The following GATB variants were observed in gnomAD, a reference collection of about 807,000 sequenced individuals.
GATB encodes the protein glutamyl-tRNA(Gln) amidotransferase subunit B, mitochondrial.
GATB carries 39 observed loss-of-function variants against 62.3 expected under a neutral mutation model. That is an observed-to-expected ratio of 0.63 (90% CI 0.48 to 0.82). GATB has a LOEUF of 0.82. GATB is among the 40% of genes least tolerant of loss of function. The probability of loss-of-function intolerance (pLI) is 0.00; values close to 1 mark genes in which losing one functional copy is unlikely to be tolerated. For missense variants in GATB, 670 were observed against 684.0 expected, an observed-to-expected ratio of 0.98 and a Z score of 0.23; for synonymous variants, 276 against 258.9, an observed-to-expected ratio of 1.07 and a Z score of -0.63.
intron 2 of GATB, among the ~76,000 whole-genome samples, chr4:151,748,032 G>T (rs1739637258): frequency 6.6e-6 from 1 of 152,166 alleles, no homozygotes; most frequent in Admixed American, 6.5e-5. Flanking sequence ...ACAAATGGAA[G>T]AACATTCCAT....
At chr4:151,707,749 G>A (rs1189512809) in intron 6 of GATB, among the ~76,000 whole-genome samples, 1 of 152,202 alleles carries the variant, frequency 6.6e-6, no homozygotes, top group African/African-American at 2.4e-5. Context: ...GGATGGAGAA[G>A]CCCAGCAGAC....
rs112654171 is a variant in GATB at position 151,701,476 on chromosome 4, G to T, written c.1050C>A (p.Asp350Glu). The T allele has an allele frequency of 1.9e-6, 3 of 1,589,680 alleles. No individual in the cohort carries two copies. The highest frequency in any genetic ancestry group is 2.6e-6 in the Non-Finnish European group (3 of 1,166,832). Residue 350 changes from aspartate to glutamate, a missense_variant, in exon 9 of 13, where the codon GAC becomes GAA. Transcript: ENST00000263985. Reference sequence around the variant, plus strand: ...CTGCACCTGCGGGCAGAGATGTGGCGTCGTAGAGCACCAGGGGAGGCAGGT... The same window carrying T: ...CTGCACCTGCGGGCAGAGATGTGGCTTCGTAGAGCACCAGGGGAGGCAGGT... ...EPNLPPLVLY[D>E]ATSLPAGADP... is the part of the protein sequence containing the mutation.
intron 9 of GATB, among the ~76,000 whole-genome samples, chr4:151,697,969 A>ATATATATATATATATATGTGTG (rs1738518225): frequency 2.0e-5 from 2 of 102,520 alleles, no homozygotes; most frequent in Admixed American, 1.9e-4. Context: ...ATATATATAT[A>ATATATATATATATATATGTGTG]TATATATATA....
chr4:151,671,314 G>A lies in GATB; in HGVS notation c.1546-12C>T, dbSNP rs756033699. On this transcript the variant is annotated splice_polypyrimidine_tract_variant and intron_variant, in intron 12 of 12. Transcript: ENST00000263985. ...TTCACATCCATTACCTAGAAGGACA[G>A]AAATTACTTACTTAAGAGGAGAAAA... 1.3e-6 allele frequency: 2 copies of A among 1,498,082 alleles called. No homozygotes were observed. Among genetic ancestry groups the A allele is most frequent in the Admixed American group, 1.8e-5 (1 of 55,356 alleles). 92.8% of individuals were successfully genotyped at this position (1,498,082 alleles called of 1,614,324 possible).
At position 151,688,735 on chromosome 4, in the gene GATB, T is replaced by G; in HGVS notation, c.1226A>C (p.Gln409Pro). 2 of 1,609,402 alleles carry G rather than the reference T, an allele frequency of 1.2e-6. No individual in the cohort carries two copies. Among genetic ancestry groups the G allele is most frequent in the Non-Finnish European group, 1.7e-6 (2 of 1,178,786 alleles). Residue 409 changes from glutamine to proline, a missense_variant, in exon 10 of 13, where the codon CAA becomes CCA. Transcript: ENST00000263985. ...LNEVGLLEFF[Q>P]NVIKETRAEP... ...TGCCCTAGTTTCTTTTATCACATTTTGGAAGAACTCCAGTAGGCCGACTTC... is the reference window on the plus strand; with the variant it reads ...TGCCCTAGTTTCTTTTATCACATTTGGGAAGAACTCCAGTAGGCCGACTTC...
intron 10 of GATB, among the ~76,000 whole-genome samples, chr4:151,687,278 C>T (rs1738269694): frequency 6.6e-6 from 1 of 152,246 alleles, no homozygotes; most frequent in Non-Finnish European, 1.5e-5. Context: ...GATGTCTGTC[C>T]TGCAGGCAGC....
chr4:151,705,082 C>T lies in GATB; in HGVS notation c.962+103G>A, dbSNP rs1404906783. On this transcript the variant is annotated intron_variant, in intron 7 of 12. Transcript: ENST00000263985. ...TAATGAGGAAACCTAAAAGTGGAGA[C>T]GCTACGTGCCTCCTTCAAGGTCACA... is the stretch of plus-strand genomic sequence containing the variant. 38 of 726,186 alleles carry T rather than the reference C, an allele frequency of 5.2e-5. No homozygotes were observed. In the East Asian group the frequency reaches 5.8e-4, roughly 11 times the overall value. The allele number at this position is 726,186 out of a possible 1,614,324, so 45.0% of individuals were successfully genotyped here.
chr4:151,736,213 C>T (rs556933110), intron 2 of GATB, among the ~76,000 whole-genome samples: 1 of 152,048 alleles, frequency 6.6e-6, no homozygotes, highest in African/African-American at 2.4e-5. Context: ...TATGGTGCAA[C>T]CAAAATCTGT....
At chr4:151,728,301 TC>T (rs1739176712) in intron 2 of GATB, among the ~76,000 whole-genome samples, 1 of 152,212 alleles carries the variant, frequency 6.6e-6, no homozygotes, top group African/African-American at 2.4e-5. Context: ...ATCTGTAACT[TC>T]CTGTCTTCTA....
intron 9 of GATB, among the ~76,000 whole-genome samples, chr4:151,691,073 CAG>C (rs1238796785): frequency 6.6e-6 from 1 of 152,202 alleles, no homozygotes; most frequent in Admixed American, 6.5e-5. Flanking sequence ...GCACGAATCT[CAG>C]AGTCTCTGGT....
chr4:151,731,263 C>T (rs534879385), intron 2 of GATB, among the ~76,000 whole-genome samples: 4 of 152,302 alleles, frequency 2.6e-5, no homozygotes, highest in South Asian at 2.1e-4. Flanking sequence ...TGCGGGCGCG[C>T]GCCGCCACGC....
At position 151,760,880 on chromosome 4, in the gene GATB, T is replaced by C; in HGVS notation, c.103A>G (p.Thr35Ala). The change falls in exon 1 of 13, where the codon ACA becomes GCA. Residue 35 changes from threonine (T) to alanine (A), a missense_variant. Thr to Ala is a moderately conservative substitution (Grantham distance 58). Transcript: ENST00000263985. ...CHRRGAPTGS[T>A]SNQIRGESSV... Reference sequence around the variant, plus strand: ...CTCTCTCCCCTAATCTGGTTGGATGTGGACCCAGTCGGAGCCCCTCTTCGG... The same window carrying C: ...CTCTCTCCCCTAATCTGGTTGGATGCGGACCCAGTCGGAGCCCCTCTTCGG... The C allele has an allele frequency of 1.2e-6, 2 of 1,614,104 alleles. No homozygotes were observed. The highest frequency in any genetic ancestry group is 1.7e-6 in the Non-Finnish European group (2 of 1,179,978).
intron 2 of GATB, among the ~76,000 whole-genome samples, chr4:151,741,262 T>A (rs142174696): frequency 6.6e-6 from 1 of 152,228 alleles, no homozygotes; most frequent in Non-Finnish European, 1.5e-5. Flanking sequence ...TCTCAAAATA[T>A]CTTATTCTCC....
At chr4:151,746,291 G>C (rs1047316271) in intron 2 of GATB, among the ~76,000 whole-genome samples, 5 of 152,134 alleles carry the variant, frequency 3.3e-5, no homozygotes, top group African/African-American at 1.2e-4. Flanking sequence ...ATATTACTTG[G>C]CCAATTATGA....
At chr4:151,680,253 C>T (rs138745781) in intron 10 of GATB, among the ~76,000 whole-genome samples, 278 of 146,366 alleles carry the variant, frequency 1.9e-3, no homozygotes, top group African/African-American at 6.7e-3. Context: ...ATATTTTCAA[C>T]GGAAAGATCA....
At chr4:151,673,736 CT>C (rs894781699) in intron 11 of GATB, 2 of 152,194 alleles carry the variant, frequency 1.3e-5, no homozygotes, top group Admixed American at 6.5e-5. Context: ...CCTCATTTCT[CT>C]TGTCTTCTAG....
In GATB at chr4:151,701,363, T is replaced by A; in HGVS notation, c.1163A>T (p.Tyr388Phe). ...SVTREKLVQQ[Y>F]GMLLEHSFTL... The stretch of plus-strand genomic sequence containing the variant: ...GAAGCTGTGTTCCAGCAGCATCCCA[T>A]ACTGTTGGACAAGCTTCTCTCGGGT... Residue 388 changes from tyrosine to phenylalanine, a missense_variant, in exon 9 of 13, where the codon TAT (tyrosine) becomes TTT (phenylalanine). Tyr to Phe is a conservative substitution (Grantham distance 22, BLOSUM62 3). Transcript: ENST00000263985. 6.3e-7 allele frequency: 1 copy of A among 1,585,656 alleles called. No individual in the cohort carries two copies.
rs186550754 is a variant in GATB, at chr4:151,702,132, G to A, written c.1008-614C>T. Among the ~76,000 whole-genome samples, 13 of 152,302 alleles carry A rather than the reference G, an allele frequency of 8.5e-5. No homozygotes were observed. The East Asian group carries it at 2.5e-3, about 29-fold the overall frequency. On this transcript the variant is annotated intron_variant, in intron 8 of 12. Transcript: ENST00000263985. Reference sequence around the variant, plus strand: ...CCACTGTTGACAGAAACATCCATATGTATGCAGGACTATGTCTTCATAAAG... The same window carrying A: ...CCACTGTTGACAGAAACATCCATATATATGCAGGACTATGTCTTCATAAAG...
intron 9 of GATB, among the ~76,000 whole-genome samples, chr4:151,696,992 G>A (rs1320261674): frequency 1.3e-5 from 2 of 152,100 alleles, no homozygotes; most frequent in South Asian, 4.1e-4. Flanking sequence ...TTACAAATGA[G>A]GTCATGTAGA....
Sources: gnomAD v4.1 joint callset for allele counts (sites outside exome capture counted in the v4.1 genomes callset) on GRCh38, gnomAD v4.1.1 for gene constraint, MANE v1.5 for transcripts, NCBI Gene and HGNC (gene_info 2026-07-23, HGNC 2026-07-21) for gene names.